Variants in CERS6 observed in about 807,000 individuals in gnomAD.
CERS6 encodes the protein LAG1 homolog, ceramide synthase 6.
A neutral mutation model predicts 56.8 loss-of-function variants in CERS6; 26 were observed. The observed-to-expected ratio is 0.46, with a 90% CI of 0.34 to 0.63. The LOEUF (loss-of-function observed/expected upper bound fraction) is 0.63. CERS6 is among the 30% of genes least tolerant of loss of function. The pLI is 0.01. For synonymous variants in CERS6, 164 were observed against 173.3 expected (o/e 0.95, Z 0.42); for missense variants, 415 against 467.5 (o/e 0.89, Z 1.04).
At chr2:168,678,397 G>T (rs1447763386) in intron 4 of CERS6, among the ~76,000 whole-genome samples, 3 of 152,204 alleles carry the variant, frequency 2.0e-5, no homozygotes, top group Non-Finnish European at 4.4e-5. Context: ...CTGCAAGGGG[G>T]CTGAGAAGCA....
At chr2:168,736,673 G>C (rs1276497939) in intron 8 of CERS6, among the ~76,000 whole-genome samples, 1 of 152,218 alleles carries the variant, frequency 6.6e-6, no homozygotes, top group East Asian at 1.9e-4. Flanking sequence ...ATTGAGAAAC[G>C]TCTGACTGTT....
chr2:168,591,212 C>A (rs1049348789), intron 3 of CERS6, among the ~76,000 whole-genome samples: 3 of 152,182 alleles, frequency 2.0e-5, no homozygotes, highest in African/African-American at 7.2e-5. Context: ...ATTAAAATAA[C>A]TAAACTTCTT....
At chr2:168,711,270 C>T (rs1687081630) in intron 6 of CERS6, among the ~76,000 whole-genome samples, 1 of 152,216 alleles carries the variant, frequency 6.6e-6, no homozygotes, top group Non-Finnish European at 1.5e-5. Flanking sequence ...TCACCAGCTA[C>T]TCAGCTGCTA....
At chr2:168,477,974 A>C (rs957027795) in intron 1 of CERS6, among the ~76,000 whole-genome samples, 1 of 152,214 alleles carries the variant, frequency 6.6e-6, no homozygotes, top group African/African-American at 2.4e-5. Flanking sequence ...AAAAAGAAAG[A>C]AATATGCTCT....
chr2:168,766,439 C>T (rs1227799826), intron 9 of CERS6: 41 of 1,111,302 alleles, frequency 3.7e-5, no homozygotes, highest in South Asian at 1.1e-4. Flanking sequence ...GCATATTGTT[C>T]TGTCTAACCT....
At chr2:168,699,107 C>A (rs1382288281) in intron 6 of CERS6, among the ~76,000 whole-genome samples, 1 of 152,296 alleles carries the variant, frequency 6.6e-6, no homozygotes, top group African/African-American at 2.4e-5. Context: ...TTCCCCTTTG[C>A]GTCTTGCTGA....
intron 4 of CERS6, among the ~76,000 whole-genome samples, chr2:168,649,280 G>A (rs184612127): frequency 0.036 from 5,487 of 152,136 alleles, 337 homozygotes; most frequent in African/African-American, 0.12. Flanking sequence ...GAGAGGTTAT[G>A]TAACCTTAAG....
chr2:168,466,318 C>G (rs1397393036), intron 1 of CERS6, among the ~76,000 whole-genome samples: 34 of 152,122 alleles, frequency 2.2e-4, no homozygotes, highest in Admixed American at 2.2e-3. Context: ...TCAAGTCACC[C>G]TGGTAAGTAC....
chr2:168,538,773 C>T (rs933141301), intron 1 of CERS6, among the ~76,000 whole-genome samples: 1 of 152,190 alleles, frequency 6.6e-6, no homozygotes, highest in African/African-American at 2.4e-5. Context: ...AGCTATTTGC[C>T]ATTTTCCCTC....
rs372231157 is a variant in CERS6 at position 168,593,185 on chromosome 2, G to A, written c.407+31863G>A. 3.3e-5 allele frequency among the ~76,000 whole-genome samples: 5 copies of A among 152,032 alleles called. No homozygotes were observed. The East Asian group carries it at 5.8e-4, about 18-fold the overall frequency. On this transcript the variant is annotated intron_variant, in intron 3 of 9. Transcript: ENST00000305747. The stretch of plus-strand genomic sequence containing the variant: ...TTCTGTGATTACATTGGGTTCACCC[G>A]AAACATCGGGATAATATCACATCTC...
At chr2:168,544,359 A>G (rs558708665) in intron 1 of CERS6, among the ~76,000 whole-genome samples, 1 of 152,288 alleles carries the variant, frequency 6.6e-6, no homozygotes, top group African/African-American at 2.4e-5. Context: ...GGCCACTGAC[A>G]TCTCTGGTCC....
chr2:168,568,509 G>A (rs1163189089), intron 3 of CERS6, among the ~76,000 whole-genome samples: 3 of 152,214 alleles, frequency 2.0e-5, no homozygotes, highest in Non-Finnish European at 4.4e-5. Flanking sequence ...ATACAGAATT[G>A]TAGGGGGAAA....
In CERS6 at chr2:168,639,867, G is replaced by A. The variant is rs371046309; in HGVS notation, c.465+8825G>A. Among the ~76,000 whole-genome samples, 13 of 152,238 alleles carry A rather than the reference G, an allele frequency of 8.5e-5. No individual in the cohort carries two copies. In the South Asian group the frequency reaches 1.5e-3, roughly 17 times the overall value. ...AGTGTTTGTGCTTTGTTTTGTTTATGTTTGCCTCCCTTCTCATTTATTAAT... is the reference window on the plus strand; with the variant it reads ...AGTGTTTGTGCTTTGTTTTGTTTATATTTGCCTCCCTTCTCATTTATTAAT... On this transcript the variant is annotated intron_variant, in intron 4 of 9. Transcript: ENST00000305747.
intron 1 of CERS6, among the ~76,000 whole-genome samples, chr2:168,499,406 A>G (rs1694538396): frequency 6.6e-6 from 1 of 152,212 alleles, no homozygotes; most frequent in Non-Finnish European, 1.5e-5. Flanking sequence ...TGATCATCAG[A>G]AAAAGGAACA....
chr2:168,456,745 T>C lies in CERS6; in HGVS notation c.170+127T>C. The C allele has an allele frequency of 1.1e-6, 1 of 871,874 alleles. No homozygotes were observed. Among genetic ancestry groups the C allele is most frequent in the Non-Finnish European group, 1.8e-6 (1 of 570,472 alleles). The allele number at this position is 871,874 out of a possible 1,614,324, so 54.0% of individuals were successfully genotyped here. On this transcript the variant is annotated intron_variant, in intron 1 of 9. Coordinates refer to ENST00000305747, the MANE Select transcript of CERS6 (RefSeq NM_203463.3). The surrounding 1 kb of genome is among the most constrained non-coding windows in gnomAD (Gnocchi z 4.1). Reference sequence around the variant, plus strand: ...CGTTCACGCCTCCCAACCTTTGTGTTCGGGGAGGGGTTGCTGACCCCCCTG... The same window carrying C: ...CGTTCACGCCTCCCAACCTTTGTGTCCGGGGAGGGGTTGCTGACCCCCCTG...
At chr2:168,747,501 T>C (rs1319604398) in intron 8 of CERS6, among the ~76,000 whole-genome samples, 2 of 152,150 alleles carry the variant, frequency 1.3e-5, no homozygotes, top group Non-Finnish European at 2.9e-5. Context: ...TCTTAAAAGA[T>C]AGATAACCGT....
At chr2:168,722,375 T>A (rs1683209449) in intron 8 of CERS6, among the ~76,000 whole-genome samples, 1 of 152,198 alleles carries the variant, frequency 6.6e-6, no homozygotes, top group Non-Finnish European at 1.5e-5. Context: ...TCATGAAGAT[T>A]TACTCCTATT....
intron 9 of CERS6, among the ~76,000 whole-genome samples, chr2:168,768,760 G>T (rs1213485790): frequency 6.6e-6 from 1 of 151,822 alleles, no homozygotes; most frequent in East Asian, 1.9e-4. Flanking sequence ...ACAAAAATTA[G>T]CTGGGCATGG....
chr2:168,474,987 A>T (rs1010863636), intron 1 of CERS6, among the ~76,000 whole-genome samples: 8 of 152,200 alleles, frequency 5.3e-5, no homozygotes, highest in Non-Finnish European at 1.0e-4. Context: ...GCATGTAAAC[A>T]AGCAACAAGT....
Sources: gnomAD v4.1 joint callset for allele counts (sites outside exome capture counted in the v4.1 genomes callset) on GRCh38, gnomAD v4.1.1 for gene constraint, Gnocchi (gnomAD v3.1) non-coding constraint, MANE v1.5 for transcripts, NCBI Gene and HGNC (gene_info 2026-07-23, HGNC 2026-07-21) for gene names.